Variants in DCAF8L2 observed in about 807,000 individuals in gnomAD.
The protein encoded by DCAF8L2 is DDB1- and CUL4-associated factor 8-like protein 2.
For synonymous variants in DCAF8L2, 200 were observed against 190.9 expected, an observed-to-expected ratio of 1.05 and a Z score of -0.39; for missense variants, 430 against 490.7, an observed-to-expected ratio of 0.88 and a Z score of 1.17.
intron 4 of DCAF8L2, among the ~76,000 whole-genome samples, chrX:27,728,025 G>T (rs1479259538): frequency 9.0e-6 from 1 of 111,433 alleles, no homozygotes; most frequent in Non-Finnish European, 1.9e-5. Context: ...ACTTCATGGG[G>T]TAATATCCTG....
At chrX:27,742,596 CAA>C (rs761506755) in intron 4 of DCAF8L2, among the ~76,000 whole-genome samples, 1 of 93,284 alleles carries the variant, frequency 1.1e-5, no homozygotes, top group Non-Finnish European at 2.2e-5. Context: ...CAAAAACAAA[CAA>C]AAAAAAAAAA....
At chrX:27,578,594 G>T in the DCAF8L2 span, among the ~76,000 whole-genome samples, 1 of 111,663 alleles carries the variant, frequency 9.0e-6, no homozygotes, top group Admixed American at 9.6e-5. Flanking sequence ...CACAGCAAGA[G>T]AAATTATCAT....
At chrX:27,710,084 G>A (rs899767582) in intron 3 of DCAF8L2, among the ~76,000 whole-genome samples, 1 of 111,306 alleles carries the variant, frequency 9.0e-6, no homozygotes, top group Admixed American at 9.6e-5. Context: ...TTGTTCAAAC[G>A]TAGTTGAAGA....
chrX:27,713,596 T>C (rs1931600538), intron 3 of DCAF8L2, among the ~76,000 whole-genome samples: 1 of 111,854 alleles, frequency 8.9e-6, no homozygotes, highest in Admixed American at 9.5e-5. Flanking sequence ...AGAAGTAACA[T>C]TATACATTGT....
the DCAF8L2 span, among the ~76,000 whole-genome samples, chrX:27,527,294 A>C: frequency 8.9e-6 from 1 of 112,107 alleles, no homozygotes; most frequent in Non-Finnish European, 1.9e-5. Flanking sequence ...AGCAATGAGC[A>C]AGGTTCCATG....
At chrX:27,639,735 G>A (rs968504510) in intron 2 of DCAF8L2, among the ~76,000 whole-genome samples, 3 of 110,762 alleles carry the variant, frequency 2.7e-5, no homozygotes, top group African/African-American at 9.8e-5. Flanking sequence ...AAGCCTAAAA[G>A]TAAGAGAAAA....
chrX:27,564,244 TGAGAACG>T, the DCAF8L2 span, among the ~76,000 whole-genome samples: 1 of 110,317 alleles, frequency 9.1e-6, no homozygotes, highest in Non-Finnish European at 1.9e-5. Flanking sequence ...TCAGATCTCG[TGAGAACG>T]CACTATCACG....
At chrX:27,492,522 C>G in the DCAF8L2 span, among the ~76,000 whole-genome samples, 3 of 106,228 alleles carry the variant, frequency 2.8e-5, no homozygotes, top group Non-Finnish European at 5.8e-5. Flanking sequence ...TCTTGTCACC[C>G]AGGCTGGAGT....
Position 27,605,039 on chromosome X carries a change from TTAGAG to T in DCAF8L2, c.-342+14605_-342+14609del, listed in dbSNP as rs775942432. On this transcript the variant is annotated intron_variant, in intron 1 of 4. Transcript: ENST00000451261. ...CCTACATAGCTTCCTTTCAGAAATT[TTAGAG>T]TAGAGATACACATTGGTTCAAGTGT... Among the ~76,000 whole-genome samples, 39 of 111,979 alleles carry T rather than the reference TTAGAG, an allele frequency of 3.5e-4. 1 individual carries two copies. Among genetic ancestry groups the T allele is most frequent in the East Asian group, 2.5e-3 (9 of 3,560 alleles).
At chrX:27,688,499 G>T (rs1171729029) in intron 3 of DCAF8L2, among the ~76,000 whole-genome samples, 1 of 111,183 alleles carries the variant, frequency 9.0e-6, no homozygotes, top group Non-Finnish European at 1.9e-5. Context: ...CAACCCAAAA[G>T]GACAACTATG....
At chrX:27,569,132 C>T in the DCAF8L2 span, among the ~76,000 whole-genome samples, 2 of 111,343 alleles carry the variant, frequency 1.8e-5, no homozygotes, top group African/African-American at 3.3e-5. Flanking sequence ...TATTGCCCTG[C>T]CCTAAGGAAA....
chrX:27,708,433 A>C (rs973822392), intron 3 of DCAF8L2, among the ~76,000 whole-genome samples: 3 of 111,795 alleles, frequency 2.7e-5, no homozygotes, highest in African/African-American at 9.8e-5. Context: ...AATGTGTCTG[A>C]TATCAGAAGC....
chrX:27,582,148 A>C, the DCAF8L2 span, among the ~76,000 whole-genome samples: 1 of 111,841 alleles, frequency 8.9e-6, no homozygotes, highest in Admixed American at 9.5e-5. Context: ...AGAATCAATT[A>C]TATTTTTGAA....
chrX:27,649,654 T>G (rs1045285572), intron 2 of DCAF8L2, among the ~76,000 whole-genome samples: 1 of 111,894 alleles, frequency 8.9e-6, no homozygotes, highest in African/African-American at 3.2e-5. Context: ...TGGGGTTGTT[T>G]GGTTTTTGTT....
chrX:27,483,245 T>C, the DCAF8L2 span, among the ~76,000 whole-genome samples: 2 of 111,457 alleles, frequency 1.8e-5, no homozygotes, highest in Non-Finnish European at 3.8e-5. Flanking sequence ...CCCAACCATC[T>C]CTATGCATAA....
At chrX:27,526,097 C>T in the DCAF8L2 span, among the ~76,000 whole-genome samples, 15 of 112,029 alleles carry the variant, frequency 1.3e-4, no homozygotes, top group Admixed American at 2.8e-4. Context: ...GGGAAGTTCT[C>T]CTGGATAATA....
the DCAF8L2 span, among the ~76,000 whole-genome samples, chrX:27,528,936 T>G: frequency 1.8e-5 from 2 of 111,764 alleles, no homozygotes; most frequent in African/African-American, 3.3e-5. Context: ...GATCCTGTAG[T>G]AGGTTCACTT....
chrX:27,728,577 T>C (rs957402194), intron 4 of DCAF8L2, among the ~76,000 whole-genome samples: 2 of 111,627 alleles, frequency 1.8e-5, no homozygotes, highest in Non-Finnish European at 3.8e-5. Flanking sequence ...TACACTTCCC[T>C]TTTTGGAGTC....
chrX:27,520,836 C>T, the DCAF8L2 span, among the ~76,000 whole-genome samples: 6 of 111,791 alleles, frequency 5.4e-5, no homozygotes, highest in Non-Finnish European at 1.1e-4. Context: ...CATTTTCTTC[C>T]TAGAAATTTC....
Sources: gnomAD v4.1 joint callset for allele counts (sites outside exome capture counted in the v4.1 genomes callset) on GRCh38, gnomAD v4.1.1 for gene constraint, MANE v1.5 for transcripts, NCBI Gene and HGNC (gene_info 2026-07-23, HGNC 2026-07-21) for gene names.